AUTS2: variants seen among roughly 807,000 people sequenced by gnomAD.
AUTS2 encodes autism susceptibility gene 2 protein.
Under a neutral mutation model 112.4 loss-of-function variants are expected in AUTS2, and 17 were observed. The ratio of observed to expected loss-of-function variants is 0.15; its 90% CI spans 0.10 to 0.23. The LOEUF (loss-of-function observed/expected upper bound fraction) is 0.23. AUTS2 is among the 10% of genes least tolerant of loss of function. The probability of loss-of-function intolerance (pLI) is 1.00; values close to 1 mark genes in which losing one functional copy is unlikely to be tolerated. For missense variants in AUTS2, 1,510 were observed against 1,701.6 expected (o/e 0.89, Z 1.98); for synonymous variants, 751 against 702.7 (o/e 1.07, Z -1.09).
In AUTS2 at chr7:70,446,727, C is replaced by T. The variant is rs545314478; in HGVS notation, c.690+10946C>T. 1.7e-3 allele frequency among the ~76,000 whole-genome samples: 264 copies of T among 152,130 alleles called. 1 individual carries two copies. Among genetic ancestry groups the T allele is most frequent in the Non-Finnish European group, 3.4e-3 (230 of 68,030 alleles). On this transcript the variant is annotated intron_variant, in intron 5 of 18. Coordinates refer to ENST00000342771, the MANE Select transcript of AUTS2 (RefSeq NM_015570.4). ...ATTTTACTGGCTTCTCAGGCAAGTT[C>T]CCCAGCTCCAGTGTGTGCTTCAGGC...
chr7:70,234,317 C>A (rs559003354), intron 4 of AUTS2, among the ~76,000 whole-genome samples: 2 of 152,104 alleles, frequency 1.3e-5, no homozygotes, highest in Non-Finnish European at 2.9e-5. Flanking sequence ...TTAGAACTGG[C>A]GTTCATTGAT....
In AUTS2 at chr7:70,195,368, C is replaced by T. The variant is rs1810118329; in HGVS notation, c.660+60797C>T. ...TGTTAATATGAATACTGAATCTGGA[C>T]AGGCACGGTGGCTCACGCCTGTAAT... On this transcript the variant is annotated intron_variant, in intron 4 of 18. Coordinates refer to ENST00000342771, the MANE Select transcript of AUTS2 (RefSeq NM_015570.4). Among the ~76,000 whole-genome samples the T allele has an allele frequency of 2.6e-5, 4 of 152,208 alleles. No homozygotes were observed. The South Asian group carries it at 8.3e-4, about 32-fold the overall frequency.
chr7:70,026,414 C>T (rs995191306), intron 2 of AUTS2, among the ~76,000 whole-genome samples: 5 of 152,096 alleles, frequency 3.3e-5, no homozygotes, highest in African/African-American at 1.2e-4. Context: ...AGGTTGGCTC[C>T]TTACAGCACA....
At chr7:70,009,053 T>A (rs1211709433) in intron 2 of AUTS2, among the ~76,000 whole-genome samples, 1 of 152,164 alleles carries the variant, frequency 6.6e-6, no homozygotes, top group Non-Finnish European at 1.5e-5. Flanking sequence ...TATAAAAGAA[T>A]ACCTGAGAGT....
At chr7:70,619,202 G>T (rs1286589212) in intron 5 of AUTS2, among the ~76,000 whole-genome samples, 1 of 152,150 alleles carries the variant, frequency 6.6e-6, no homozygotes, top group East Asian at 1.9e-4. Flanking sequence ...GAGCATCTAT[G>T]AAATGGGGCT....
chr7:69,637,957 C>T (rs187340920), intron 1 of AUTS2, among the ~76,000 whole-genome samples: 1 of 152,338 alleles, frequency 6.6e-6, no homozygotes, highest in East Asian at 1.9e-4. Flanking sequence ...AGAATAGATA[C>T]ACAGGAGAGT....
At chr7:70,332,173 C>G (rs1027121800) in intron 4 of AUTS2, among the ~76,000 whole-genome samples, 2 of 152,126 alleles carry the variant, frequency 1.3e-5, no homozygotes, top group African/African-American at 4.8e-5. Flanking sequence ...CAATAATAGA[C>G]AAACAGAGAG....
chr7:70,423,399 G>A (rs1330599576), intron 4 of AUTS2, among the ~76,000 whole-genome samples: 2 of 152,082 alleles, frequency 1.3e-5, no homozygotes, highest in African/African-American at 4.8e-5. Context: ...AAAATATGTA[G>A]CTTCCTACTT....
intron 5 of AUTS2, among the ~76,000 whole-genome samples, chr7:70,640,408 A>G (rs1805752541): frequency 7.0e-6 from 1 of 143,044 alleles, no homozygotes; most frequent in Non-Finnish European, 1.5e-5. Context: ...TCTGAAAAAT[A>G]AACTCACAGG....
At chr7:70,306,528 A>C (rs547943754) in intron 4 of AUTS2, among the ~76,000 whole-genome samples, 1 of 152,254 alleles carries the variant, frequency 6.6e-6, no homozygotes, top group East Asian at 1.9e-4. Flanking sequence ...TTACCTTTTT[A>C]CAGTTTTTAT....
chr7:70,613,241 CTG>C (rs71077668), intron 5 of AUTS2, among the ~76,000 whole-genome samples: 5,127 of 147,446 alleles, frequency 0.035, 159 homozygotes, highest in African/African-American at 0.09. Context: ...GTGTGTGTGT[CTG>C]TGTGTGTGTG....
intron 2 of AUTS2, among the ~76,000 whole-genome samples, chr7:70,068,738 A>T (rs562898138): frequency 6.6e-6 from 1 of 152,174 alleles, no homozygotes; most frequent in African/African-American, 2.4e-5. Flanking sequence ...AGCCACTTCA[A>T]CTCCTCAGAT....
At chr7:70,497,197 CACAT>C (rs1798585089) in intron 5 of AUTS2, among the ~76,000 whole-genome samples, 1 of 149,922 alleles carries the variant, frequency 6.7e-6, no homozygotes, top group Admixed American at 6.7e-5. Context: ...ACACCTCACA[CACAT>C]GCACATGTCA....
intron 2 of AUTS2, among the ~76,000 whole-genome samples, chr7:70,053,863 A>T (rs1801872817): frequency 6.6e-6 from 1 of 152,140 alleles, no homozygotes; most frequent in South Asian, 2.1e-4. Flanking sequence ...GTTCTTTTGA[A>T]TAATCAGAAG....
At chr7:69,879,198 G>C (rs958968240) in intron 1 of AUTS2, among the ~76,000 whole-genome samples, 9 of 151,924 alleles carry the variant, frequency 5.9e-5, no homozygotes, top group African/African-American at 2.2e-4. Flanking sequence ...CTGGAGTGCG[G>C]TGGCACGATC....
At chr7:70,019,525 TG>T (rs1268376526) in intron 2 of AUTS2, among the ~76,000 whole-genome samples, 1 of 152,196 alleles carries the variant, frequency 6.6e-6, no homozygotes, top group Non-Finnish European at 1.5e-5. Context: ...CCATTTAATT[TG>T]TTTACTTTTC....
intron 1 of AUTS2, among the ~76,000 whole-genome samples, chr7:69,735,732 C>A (rs925943331): frequency 6.6e-6 from 1 of 152,162 alleles, no homozygotes; most frequent in African/African-American, 2.4e-5. Context: ...GCCGCACAGC[C>A]CCCTGACAAG....
At chr7:70,198,314 A>C (rs1016289165) in intron 4 of AUTS2, among the ~76,000 whole-genome samples, 2 of 150,408 alleles carry the variant, frequency 1.3e-5, no homozygotes, top group African/African-American at 4.8e-5. Context: ...GCAGTTCCTC[A>C]CCAGCAACAG....
chr7:70,624,683 G>A (rs927492658), intron 5 of AUTS2, among the ~76,000 whole-genome samples: 1 of 152,132 alleles, frequency 6.6e-6, no homozygotes, highest in African/African-American at 2.4e-5. Context: ...ATGCTGCTTA[G>A]AGTGATGTAA....
Sources: gnomAD v4.1 joint callset for allele counts (sites outside exome capture counted in the v4.1 genomes callset) on GRCh38, gnomAD v4.1.1 for gene constraint, MANE v1.5 for transcripts, NCBI Gene and HGNC (gene_info 2026-07-23, HGNC 2026-07-21) for gene names.